Variants in PPM1L observed in about 807,000 individuals in gnomAD.
PPM1L encodes the protein protein phosphatase, Mg2+/Mn2+ dependent 1L, also known as protein phosphatase 1L.
A neutral mutation model predicts 31.4 loss-of-function variants in PPM1L; 13 were observed. That is an observed-to-expected ratio of 0.41 (90% CI 0.27 to 0.66). The LOEUF is 0.66. Ranked by LOEUF, PPM1L falls within the 30% of genes least tolerant of loss-of-function variation. The probability of loss-of-function intolerance (pLI) is 0.29; values close to 1 mark genes in which losing one functional copy is unlikely to be tolerated. For synonymous variants in PPM1L, 184 were observed against 175.4 expected (o/e 1.05, Z -0.39); for missense variants, 326 against 453.7 (o/e 0.72, Z 2.56).
intron 1 of PPM1L, among the ~76,000 whole-genome samples, chr3:160,764,717 C>A (rs1431566097): frequency 2.0e-5 from 3 of 152,212 alleles, no homozygotes; most frequent in Admixed American, 1.3e-4. Context: ...ATCTGCCCCC[C>A]TCGGCCTCCC....
At chr3:160,942,611 T>C (rs1398305579) in intron 1 of PPM1L, among the ~76,000 whole-genome samples, 1 of 152,202 alleles carries the variant, frequency 6.6e-6, no homozygotes, top group Non-Finnish European at 1.5e-5. Flanking sequence ...ATCTACCTAA[T>C]GCCTGACATT....
At chr3:160,910,259 T>C (rs1046834647) in intron 1 of PPM1L, among the ~76,000 whole-genome samples, 12 of 50,090 alleles carry the variant, frequency 2.4e-4, no homozygotes, top group Admixed American at 6.9e-4. Context: ...CCCCTTCCCC[T>C]TTCCCCTTCC....
At chr3:160,914,607 A>G (rs1412286279) in intron 1 of PPM1L, among the ~76,000 whole-genome samples, 5 of 152,048 alleles carry the variant, frequency 3.3e-5, no homozygotes, top group Non-Finnish European at 7.4e-5. Flanking sequence ...TGTCCCTACA[A>G]AGGACATGAA....
intron 2 of PPM1L, among the ~76,000 whole-genome samples, chr3:161,022,631 C>CT (rs1272187237): frequency 1.4e-5 from 2 of 142,018 alleles, no homozygotes; most frequent in Non-Finnish European, 3.1e-5. Flanking sequence ...CAGTTTTTAT[C>CT]TGAATAACTT....
In PPM1L at chr3:161,071,330, T is replaced by A. The variant is rs540879856; in HGVS notation, c.*2173T>A. 7 of 152,346 alleles carry A rather than the reference T, an allele frequency of 4.6e-5. No individual in the cohort carries two copies. Among genetic ancestry groups the A allele is most frequent in the Non-Finnish European group, 1.0e-4 (7 of 68,038 alleles). The allele number at this position is 152,346 out of a possible 1,614,324, so 9.4% of individuals were successfully genotyped here. On this transcript the variant is annotated 3_prime_UTR_variant, in exon 4 of 4. Coordinates refer to ENST00000498165, the MANE Select transcript of PPM1L (RefSeq NM_139245.4). ...ATGTATAATAGCAAGGAAAAGACAT[T>A]TTTAAATTCCGGTTATTTTTATTGT... is the stretch of plus-strand genomic sequence containing the variant.
intron 1 of PPM1L, among the ~76,000 whole-genome samples, chr3:160,838,927 C>T (rs760281994): frequency 6.6e-6 from 1 of 152,094 alleles, no homozygotes; most frequent in Non-Finnish European, 1.5e-5. Context: ...ATGTTGATGG[C>T]ATTTGGAAGT....
At chr3:160,777,474 T>C (rs1291970099) in intron 1 of PPM1L, among the ~76,000 whole-genome samples, 1 of 152,182 alleles carries the variant, frequency 6.6e-6, no homozygotes, top group Non-Finnish European at 1.5e-5. Context: ...TAGAAGTTTT[T>C]TATCTGGGAG....
chr3:161,056,748 T>C (rs1451802786), intron 2 of PPM1L, among the ~76,000 whole-genome samples: 1 of 151,944 alleles, frequency 6.6e-6, no homozygotes, highest in Non-Finnish European at 1.5e-5. Context: ...GTCTGTGCAG[T>C]GTACAAAGCA....
chr3:160,886,559 A>T (rs1712923011), intron 1 of PPM1L, among the ~76,000 whole-genome samples: 3 of 152,170 alleles, frequency 2.0e-5, no homozygotes, highest in Admixed American at 1.3e-4. Flanking sequence ...CACAGGAGCG[A>T]ACCAGATGAA....
At chr3:161,037,108 GC>G (rs777376928) in intron 2 of PPM1L, among the ~76,000 whole-genome samples, 58 of 152,166 alleles carry the variant, frequency 3.8e-4, no homozygotes, top group Non-Finnish European at 8.1e-4. Flanking sequence ...TTCTCTCATT[GC>G]GGTGGAACTT....
intron 1 of PPM1L, among the ~76,000 whole-genome samples, chr3:160,773,949 G>A (rs190359307): frequency 6.6e-6 from 1 of 152,030 alleles, no homozygotes; most frequent in African/African-American, 2.4e-5. Flanking sequence ...TTCAAGAAGG[G>A]CTGTGCTCAG....
chr3:161,021,258 A>G (rs533102404), intron 2 of PPM1L, among the ~76,000 whole-genome samples: 1 of 151,598 alleles, frequency 6.6e-6, no homozygotes, highest in Non-Finnish European at 1.5e-5. Flanking sequence ...ATATTTTCTA[A>G]TTTCCCTTGT....
At chr3:161,061,429 A>G (rs1459609932) in intron 2 of PPM1L, among the ~76,000 whole-genome samples, 1 of 152,176 alleles carries the variant, frequency 6.6e-6, no homozygotes, top group East Asian at 1.9e-4. Context: ...CCATAGAAAC[A>G]GTGGGATTTG....
intron 1 of PPM1L, among the ~76,000 whole-genome samples, chr3:160,919,590 G>A (rs907420487): frequency 7.2e-5 from 11 of 152,022 alleles, no homozygotes; most frequent in Admixed American, 3.9e-4. Context: ...AGCTAAGAAC[G>A]CGTAGCTTTT....
chr3:160,841,083 C>A (rs1713865532), intron 1 of PPM1L, among the ~76,000 whole-genome samples: 2 of 152,044 alleles, frequency 1.3e-5, no homozygotes, highest in Non-Finnish European at 2.9e-5. Flanking sequence ...CCAGTGTGGA[C>A]CCAAGGCAGA....
At chr3:160,820,849 A>C (rs1329627296) in intron 1 of PPM1L, among the ~76,000 whole-genome samples, 3 of 152,040 alleles carry the variant, frequency 2.0e-5, no homozygotes, top group African/African-American at 7.2e-5. Flanking sequence ...GTTCCTATGA[A>C]TGTTTCTGTA....
intron 2 of PPM1L, among the ~76,000 whole-genome samples, chr3:161,018,600 G>A (rs1718151293): frequency 6.6e-6 from 1 of 151,994 alleles, no homozygotes; most frequent in Admixed American, 6.6e-5. Flanking sequence ...GAATTTTGTA[G>A]CATTTCAGGA....
At chr3:160,923,281 A>G (rs1335071336) in intron 1 of PPM1L, among the ~76,000 whole-genome samples, 1 of 152,248 alleles carries the variant, frequency 6.6e-6, no homozygotes, top group Non-Finnish European at 1.5e-5. Flanking sequence ...CAGTAAGGAA[A>G]TTGGAATGAG....
intron 2 of PPM1L, among the ~76,000 whole-genome samples, chr3:160,969,731 G>T (rs1369306081): frequency 6.6e-6 from 1 of 152,172 alleles, no homozygotes; most frequent in East Asian, 1.9e-4. Flanking sequence ...GGAGAATTTG[G>T]AAGGAAGACA....
Sources: gnomAD v4.1 joint callset for allele counts (sites outside exome capture counted in the v4.1 genomes callset) on GRCh38, gnomAD v4.1.1 for gene constraint, MANE v1.5 for transcripts, NCBI Gene and HGNC (gene_info 2026-07-23, HGNC 2026-07-21) for gene names.